TDRD6: variants seen among roughly 807,000 people sequenced by gnomAD.
TDRD6 encodes the protein tudor domain containing 6, also known as tudor domain-containing protein 6.
Under a neutral mutation model 157.5 loss-of-function variants are expected in TDRD6, and 186 were observed. The ratio of observed to expected loss-of-function variants is 1.18; its 90% CI spans 1.05 to 1.33. The LOEUF (loss-of-function observed/expected upper bound fraction) is 1.33. TDRD6 is among the 40% of genes most tolerant of loss of function. The pLI, the probability that TDRD6 is intolerant of heterozygous loss-of-function variation, is 0.00. For synonymous variants in TDRD6, 1,075 were observed against 945.2 expected, an observed-to-expected ratio of 1.14 and a Z score of -2.52; for missense variants, 3,066 against 2,508.0, an observed-to-expected ratio of 1.22 and a Z score of -4.75.
At chr6:46,682,572 A>G in the TDRD6 span, among the ~76,000 whole-genome samples, 1 of 152,016 alleles carries the variant, frequency 6.6e-6, no homozygotes, top group East Asian at 1.9e-4. Flanking sequence ...ATATAATTAC[A>G]TATATAAAAA....
rs1582555213 is a variant in TDRD6, at chr6:46,701,999, T to C, written c.*112T>C. The C allele has an allele frequency of 2.3e-5, 31 of 1,327,802 alleles. No individual in the cohort carries two copies. The highest frequency in any genetic ancestry group is 1.9e-4 in the Middle Eastern group (1 of 5,388). 82.3% of individuals were successfully genotyped at this position (1,327,802 alleles called of 1,614,324 possible). ...ATTGAAAACATGTAACCACAAGAAG[T>C]TGTCATTTTCAAAAACTTCTATATA... On this transcript the variant is annotated 3_prime_UTR_variant, in exon 4 of 4. Coordinates refer to ENST00000316081, the MANE Select transcript of TDRD6 (RefSeq NM_001010870.3).
chr6:46,701,098 C>T (rs1249838019), intron 3 of TDRD6: 2 of 393,534 alleles, frequency 5.1e-6, no homozygotes, highest in East Asian at 1.7e-4. Flanking sequence ...ACTTTTATCA[C>T]CCAGAATTAC....
At position 46,689,677 on chromosome 6, in the gene TDRD6, A is replaced by T; in HGVS notation, c.1549A>T (p.Met517Leu). 6.2e-7 allele frequency: 1 copy of T among 1,614,220 alleles called. No individual in the cohort carries two copies. The highest frequency in any genetic ancestry group is 8.5e-7 in the Non-Finnish European group (1 of 1,180,038). Residue 517 changes from methionine to leucine, a missense_variant, in exon 1 of 4, where the codon ATG (methionine) becomes TTG (leucine). Coordinates refer to ENST00000316081, the MANE Select transcript of TDRD6 (RefSeq NM_001010870.3). ...ACACAATGTCACCTTCAGTAAGCTG[A>T]TGAGGAGAATGTGTGGTTTCTATTC... Reference protein sequence around the residue: ...RKHNVTFSKLMRRMCGFYSSA... With the variant: ...RKHNVTFSKLLRRMCGFYSSA...
Position 46,688,720 on chromosome 6 carries a change from C to T in TDRD6, c.592C>T (p.Arg198Trp), listed in dbSNP as rs781647844. Residue 198 changes from arginine to tryptophan, a missense_variant, in exon 1 of 4, where the codon CGG becomes TGG. Transcript: ENST00000316081. ...FQQMRELGLARRVPDSLFRSL... is the reference protein window; with the variant it reads ...FQQMRELGLAWRVPDSLFRSL... The stretch of plus-strand genomic sequence containing the variant: ...ACAGATGCGGGAGCTGGGCCTGGCT[C>T]GGCGGGTGCCCGACAGCCTCTTCCG... 71 of 1,599,124 alleles carry T rather than the reference C, an allele frequency of 4.4e-5. No individual in the cohort carries two copies. The highest frequency in any genetic ancestry group is 6.0e-5 in the Non-Finnish European group (71 of 1,179,080).
At chr6:46,696,445 T>C (rs1240585646) in intron 2 of TDRD6, among the ~76,000 whole-genome samples, 2 of 121,936 alleles carry the variant, frequency 1.6e-5, no homozygotes, top group Non-Finnish European at 3.4e-5. Flanking sequence ...CGAGAGTTAC[T>C]TGGTATATAT....
In TDRD6 at chr6:46,692,404, C is replaced by A; in HGVS notation, c.4276C>A (p.Pro1426Thr). Reference protein sequence around the residue: ...IHCSLQGFEVPDNKNSKKMMH... With the variant: ...IHCSLQGFEVTDNKNSKKMMH... Reference sequence around the variant, plus strand: ...TTGCTCCTTGCAGGGATTTGAGGTTCCTGACAATAAAAATTCTAAGAAAAT... The same window carrying A: ...TTGCTCCTTGCAGGGATTTGAGGTTACTGACAATAAAAATTCTAAGAAAAT... Residue 1426 changes from proline to threonine, a missense_variant, in exon 1 of 4, where the codon CCT becomes ACT. Coordinates refer to ENST00000316081, the MANE Select transcript of TDRD6 (RefSeq NM_001010870.3). 1 of 1,614,112 alleles carries A rather than the reference C, an allele frequency of 6.2e-7. No individual in the cohort carries two copies. The highest frequency in any genetic ancestry group is 8.5e-7 in the Non-Finnish European group (1 of 1,180,012).
Position 46,701,850 on chromosome 6 carries a change from T to G in TDRD6, c.6262-8T>G, listed in dbSNP as rs1764634732. The G allele has an allele frequency of 6.2e-7, 1 of 1,612,756 alleles. No individual in the cohort carries two copies. Among genetic ancestry groups the G allele is most frequent in the Admixed American group, 1.7e-5 (1 of 59,974 alleles). ...TCTCAGTTTGAAGTTTTTCTCTTTT[T>G]GTTTCAGAAAAGGGGTTTGGAGGTG... On this transcript the variant is annotated splice_region_variant and splice_polypyrimidine_tract_variant and intron_variant, in intron 3 of 3. Coordinates refer to ENST00000316081, the MANE Select transcript of TDRD6 (RefSeq NM_001010870.3).
Position 46,695,863 on chromosome 6 carries a change from G to T in TDRD6, c.6089G>T (p.Gly2030Val). The change falls in exon 2 of 4, where the codon GGA (glycine) becomes GTA (valine). Residue 2030 changes from glycine (G) to valine (V), a missense_variant. By Grantham distance (109) the Gly-to-Val change is moderately radical. Coordinates refer to ENST00000316081, the MANE Select transcript of TDRD6 (RefSeq NM_001010870.3). ...TACACTCTGAAAGCCTTTACTGTTG[G>T]ATCTAAATGTGTTGTGTGGTCAAGT... Reference protein sequence around the residue: ...NTYTLKAFTVGSKCVVWSSLR... With the variant: ...NTYTLKAFTVVSKCVVWSSLR... 6.2e-7 allele frequency: 1 copy of T among 1,613,654 alleles called. No individual in the cohort carries two copies. The highest frequency in any genetic ancestry group is 8.5e-7 in the Non-Finnish European group (1 of 1,179,750).
chr6:46,698,195 A>G (rs981599699), intron 3 of TDRD6, 108 bp downstream of exon 3: 3 of 706,432 alleles, frequency 4.2e-6, no homozygotes, highest in Non-Finnish European at 7.0e-6. Flanking sequence ...TGGGAGAAAA[A>G]TCCTGTGACA....
intron 3 of TDRD6, among the ~76,000 whole-genome samples, chr6:46,701,254 T>G (rs1764617667): frequency 6.6e-6 from 1 of 152,164 alleles, no homozygotes; most frequent in Non-Finnish European, 1.5e-5. Context: ...AGATGAGGAT[T>G]TCTTGAAATA....
upstream of TDRD6, chr6:46,687,611 C>G (rs1006522340): frequency 1.3e-5 from 2 of 152,644 alleles, no homozygotes; most frequent in African/African-American, 4.8e-5. Context: ...TTGCCTGGCC[C>G]CCAGTGCTCA....
In TDRD6 at chr6:46,691,625, GAAAAA is replaced by G. The variant is rs746900685; in HGVS notation, c.3500_3504del (p.Lys1167ArgfsTer3). The G allele has an allele frequency of 1.2e-6, 2 of 1,611,322 alleles. No homozygotes were observed. The highest frequency in any genetic ancestry group is 8.5e-7 in the Non-Finnish European group (1 of 1,179,032). ...CTACTTAGTTACAAAGATAGAATAA[GAAAAA>G]AAGAAAGTGAAGTCCTCTGTTCTAC... On this transcript the variant is annotated frameshift_variant, in exon 1 of 4. Transcript: ENST00000316081. LOFTEE classifies it high-confidence loss of function.
rs1383062181 is a variant in TDRD6, at chr6:46,690,851, A to G, written c.2723A>G (p.Glu908Gly). Residue 908 changes from glutamate (E) to glycine (G), a missense_variant, in exon 1 of 4, where the codon GAA becomes GGA. Coordinates refer to ENST00000316081, the MANE Select transcript of TDRD6 (RefSeq NM_001010870.3). Reference sequence around the variant, plus strand: ...GTAAAGGCAATACAAGCTTTCAATGAATTTATAGATAATGCATGGCAAAAA... The same window carrying G: ...GTAAAGGCAATACAAGCTTTCAATGGATTTATAGATAATGCATGGCAAAAA... ...WDVKAIQAFN[E>G]FIDNAWQKNL... 6.2e-7 allele frequency: 1 copy of G among 1,613,674 alleles called. No individual in the cohort carries two copies. The highest frequency in any genetic ancestry group is 1.3e-5 in the African/African-American group (1 of 74,982).
Position 46,687,959 on chromosome 6 carries a change from A to G in TDRD6, c.-170A>G. ...CAGTCCGTGGCGGGAGTCCCGGAGG[A>G]CCCTCGACGGGGGAGTTGCCGAGAA... On this transcript the variant is annotated 5_prime_UTR_variant, in exon 1 of 4. Transcript: ENST00000316081. 2 of 1,082,944 alleles carry G rather than the reference A, an allele frequency of 1.8e-6. No individual in the cohort carries two copies. Among genetic ancestry groups the G allele is most frequent in the Non-Finnish European group, 2.5e-6 (2 of 807,572 alleles). The allele number at this position is 1,082,944 out of a possible 1,614,324, so 67.1% of individuals were successfully genotyped here. A position where few individuals can be genotyped will look rare whatever the true frequency, so the allele number is the denominator to read the frequency against.
upstream of TDRD6, among the ~76,000 whole-genome samples, chr6:46,684,453 T>C (rs536715005): frequency 8.6e-5 from 13 of 152,016 alleles, no homozygotes; most frequent in African/African-American, 3.1e-4. Context: ...GCACACAAGA[T>C]ACAGAACAGT....
At position 46,692,586 on chromosome 6, in the gene TDRD6, A is replaced by C. The variant is rs1477245359; in HGVS notation, c.4458A>C (p.Glu1486Asp). Reference protein sequence around the residue: ...RYALSEKSQVELSTQVIKSAS... With the variant: ...RYALSEKSQVDLSTQVIKSAS... ...CTCTCAGTGAAAAATCTCAAGTAGA[A>C]CTTTCTACCCAAGTAATTAAAAGTG... The change falls in exon 1 of 4, where the codon GAA (glutamate) becomes GAC (aspartate). Residue 1486 changes from glutamate to aspartate, a missense_variant. Glu to Asp is a conservative substitution (Grantham distance 45). Transcript: ENST00000316081. The C allele has an allele frequency of 1.2e-6, 2 of 1,613,644 alleles. No homozygotes were observed. Among genetic ancestry groups the C allele is most frequent in the African/African-American group, 1.3e-5 (1 of 74,904 alleles).
At position 46,689,077 on chromosome 6, in the gene TDRD6, T is replaced by G. The variant is rs765069030; in HGVS notation, c.949T>G (p.Cys317Gly). Reference sequence around the variant, plus strand: ...GAGCCCAGATAAGCCGGGCTCTCCGTGTGCATCCTGTGGCCTGGATGGACA... The same window carrying G: ...GAGCCCAGATAAGCCGGGCTCTCCGGGTGCATCCTGTGGCCTGGATGGACA... ...EESPDKPGSP[C>G]ASCGLDGHWY... is the part of the protein sequence containing the mutation. The change falls in exon 1 of 4, where the codon TGT becomes GGT. Residue 317 changes from cysteine (C) to glycine (G), a missense_variant. Cys to Gly is a radical substitution (Grantham distance 159). Coordinates refer to ENST00000316081, the MANE Select transcript of TDRD6 (RefSeq NM_001010870.3). The G allele has an allele frequency of 1.2e-6, 2 of 1,614,178 alleles. No individual in the cohort carries two copies. Among genetic ancestry groups the G allele is most frequent in the Admixed American group, 3.3e-5 (2 of 60,028 alleles).
Position 46,698,070 on chromosome 6 carries a change from G to A in TDRD6, c.6244G>A (p.Asp2082Asn). ...ENVWNGIPKL[D>N]KSPPEKRGLE... ...TGTCTGGAATGGCATACCCAAATTG[G>A]ATAAGAGTCCACCTGAGGTATGGAA... is the stretch of plus-strand genomic sequence containing the variant. The change falls in exon 3 of 4, where the codon GAT becomes AAT. Residue 2082 changes from aspartate (D) to asparagine (N), a missense_variant. Asp to Asn is a conservative substitution (Grantham distance 23, BLOSUM62 1). Coordinates refer to ENST00000316081, the MANE Select transcript of TDRD6 (RefSeq NM_001010870.3). The A allele has an allele frequency of 1.2e-6, 2 of 1,607,648 alleles. No homozygotes were observed. Among genetic ancestry groups the A allele is most frequent in the African/African-American group, 2.7e-5 (2 of 74,930 alleles).
rs747576196 is a variant in TDRD6, at chr6:46,691,583, TTAA to T, written c.3459_3461del (p.Asn1153del). 29 of 1,613,418 alleles carry T rather than the reference TTAA, an allele frequency of 1.8e-5. No individual in the cohort carries two copies. The highest frequency in any genetic ancestry group is 1.8e-4 in the South Asian group (16 of 91,036). On this transcript the variant is annotated inframe_deletion, in exon 1 of 4. Coordinates refer to ENST00000316081, the MANE Select transcript of TDRD6 (RefSeq NM_001010870.3). Reference sequence around the variant, plus strand: ...GACAATATTCAAATTAGTGCTAGTATTAATAAGAAGTTGGGGCTACTTAGTTAC... The same window carrying T: ...GACAATATTCAAATTAGTGCTAGTATTAAGAAGTTGGGGCTACTTAGTTAC...
Sources: gnomAD v4.1 joint callset for allele counts (sites outside exome capture counted in the v4.1 genomes callset) on GRCh38, gnomAD v4.1.1 for gene constraint, MANE v1.5 for transcripts, NCBI Gene and HGNC (gene_info 2026-07-23, HGNC 2026-07-21) for gene names.